Variants in CALN1 observed in about 807,000 individuals in gnomAD.
CALN1 encodes calcium-binding protein 8.
CALN1 carries 17 observed loss-of-function variants against 30.6 expected under a neutral mutation model. That is an observed-to-expected ratio of 0.56 (90% CI 0.38 to 0.83). The LOEUF is 0.83. Ranked by LOEUF, CALN1 falls within the 40% of genes least tolerant of loss-of-function variation. The probability of loss-of-function intolerance (pLI) is 0.00; values close to 1 mark genes in which losing one functional copy is unlikely to be tolerated. For missense variants in CALN1, 291 were observed against 354.9 expected, an observed-to-expected ratio of 0.82 and a Z score of 1.45; for synonymous variants, 156 against 131.4, an observed-to-expected ratio of 1.19 and a Z score of -1.28.
chr7:72,449,708 T>TA (rs1310300702), upstream of CALN1, among the ~76,000 whole-genome samples: 1 of 151,300 alleles, frequency 6.6e-6, no homozygotes, highest in Non-Finnish European at 1.5e-5. Context: ...CCGTCTCTAC[T>TA]AAAAAAACAC....
At chr7:71,924,304 G>A (rs1212617042) in intron 5 of CALN1, among the ~76,000 whole-genome samples, 1 of 150,036 alleles carries the variant, frequency 6.7e-6, no homozygotes, top group East Asian at 1.9e-4. Context: ...TTTTTGCAGT[G>A]ACTGGTGGAA....
chr7:72,335,011 A>T (rs1463392053), intron 2 of CALN1, among the ~76,000 whole-genome samples: 1 of 152,176 alleles, frequency 6.6e-6, no homozygotes, highest in Non-Finnish European at 1.5e-5. Flanking sequence ...GGAACTAGCA[A>T]AGTTATGCAG....
chr7:72,488,282 G>A, the CALN1 span, among the ~76,000 whole-genome samples: 2 of 151,764 alleles, frequency 1.3e-5, no homozygotes, highest in Non-Finnish European at 2.9e-5. Context: ...GAGGCAGGAG[G>A]ATTGCTTGAG....
In CALN1 at chr7:71,796,249, G is replaced by A. The variant is rs116776619; in HGVS notation, c.659-8347C>T. On this transcript the variant is annotated intron_variant, in intron 6 of 6. Transcript: ENST00000395275. Reference sequence around the variant, plus strand: ...TTTTGGGTACTATATGAGTCATGCCGCTATGAACATCCATGCACATGTTTA... The same window carrying A: ...TTTTGGGTACTATATGAGTCATGCCACTATGAACATCCATGCACATGTTTA... Among the ~76,000 whole-genome samples the A allele has an allele frequency of 6.0e-3, 917 of 151,930 alleles. 4 individuals carry two copies. Among genetic ancestry groups the A allele is most frequent in the African/African-American group, 0.021 (869 of 41,418 alleles).
In CALN1 at chr7:71,880,168, T is replaced by C. The variant is rs137894816; in HGVS notation, c.502-69676A>G. On this transcript the variant is annotated intron_variant, in intron 5 of 6. Coordinates refer to ENST00000395275, the MANE Select transcript of CALN1 (RefSeq NM_031468.4). ...CAAAAACAAAAATGGAGGTTAGAGA[T>C]TTTCACATTCTCAAACAATTGCTCA... is the stretch of plus-strand genomic sequence containing the variant. 2.2e-4 allele frequency among the ~76,000 whole-genome samples: 34 copies of C among 152,232 alleles called. No individual in the cohort carries two copies. The East Asian group carries it at 6.2e-3, about 28-fold the overall frequency.
At chr7:72,395,359 G>GCACACACA (rs71069064) in intron 2 of CALN1, among the ~76,000 whole-genome samples, 2 of 151,284 alleles carry the variant, frequency 1.3e-5, no homozygotes, top group Non-Finnish European at 3.0e-5. Flanking sequence ...GCACGCGCGC[G>GCACACACA]CACACACACA....
intron 5 of CALN1, among the ~76,000 whole-genome samples, chr7:71,819,411 C>G (rs78740745): frequency 0.16 from 24,447 of 151,716 alleles, 2,831 homozygotes; most frequent in East Asian, 0.59. Context: ...ACCATGTTGG[C>G]CAGGCTGGTC....
chr7:72,186,620 A>G (rs989288519), intron 3 of CALN1, among the ~76,000 whole-genome samples: 3 of 151,986 alleles, frequency 2.0e-5, no homozygotes, highest in East Asian at 3.9e-4. Context: ...CTTTATGTCC[A>G]TGAGTACCCA....
chr7:71,957,303 G>A (rs534773472), intron 5 of CALN1, among the ~76,000 whole-genome samples: 3 of 152,130 alleles, frequency 2.0e-5, no homozygotes, highest in South Asian at 2.1e-4. Context: ...TATTTTTCTT[G>A]ACTGTAAGAA....
rs532245334 is a variant in CALN1 at position 72,036,161 on chromosome 7, A to G, written c.389-12392T>C. 5.9e-5 allele frequency among the ~76,000 whole-genome samples: 9 copies of G among 152,312 alleles called. No individual in the cohort carries two copies. In the South Asian group the frequency reaches 6.2e-4, roughly 11 times the overall value. On this transcript the variant is annotated intron_variant, in intron 4 of 6. Transcript: ENST00000395275. Reference sequence around the variant, plus strand: ...ATTTTTTTCTTTTATCATTTTGAACATATCAGCCCACTGCCTTCTGGCATC... The same window carrying G: ...ATTTTTTTCTTTTATCATTTTGAACGTATCAGCCCACTGCCTTCTGGCATC...
intron 5 of CALN1, among the ~76,000 whole-genome samples, chr7:71,861,026 A>C (rs1457420761): frequency 1.3e-5 from 2 of 152,156 alleles, no homozygotes; most frequent in Admixed American, 6.6e-5. Context: ...AAAGAGGACC[A>C]TTTAGGTCAG....
intron 4 of CALN1, among the ~76,000 whole-genome samples, chr7:72,098,519 T>TA (rs1735314864): frequency 6.6e-6 from 1 of 151,896 alleles, no homozygotes; most frequent in Non-Finnish European, 1.5e-5. Context: ...ACCTGGGTAA[T>TA]AGAGTGAGAC....
chr7:72,118,690 G>A (rs1489504951), intron 3 of CALN1, among the ~76,000 whole-genome samples: 1 of 95,120 alleles, frequency 1.1e-5, no homozygotes, highest in African/African-American at 3.9e-5. Context: ...GAGTGGATGA[G>A]ATTTAAATAT....
At chr7:72,016,996 T>TAAAAAAAAAAAAAAAAAAAAAAAAAAAAA (rs1800418372) in intron 5 of CALN1, among the ~76,000 whole-genome samples, 1 of 26,564 alleles carries the variant, frequency 3.8e-5, no homozygotes, top group African/African-American at 3.5e-4. Flanking sequence ...TTACTAAAAA[T>TAAAAAAAAAAAAAAAAAAAAAAAAAAAAA]ACAAAAAAAA....
rs1166242883 is a variant in CALN1, at chr7:72,412,167, A to C, written c.-183T>G. 6.5e-6 allele frequency: 1 copy of C among 152,780 alleles called. No homozygotes were observed. The highest frequency in any genetic ancestry group is 2.4e-5 in the African/African-American group (1 of 41,412). The allele number at this position is 152,780 out of a possible 1,614,324, so 9.5% of individuals were successfully genotyped here. The stretch of plus-strand genomic sequence containing the variant: ...CAGCTCTTAAAGATGGCGCGTCCGG[A>C]GTCGTCTGCTCCTCCCGGTGGGCTT... On this transcript the variant is annotated 5_prime_UTR_variant, in exon 1 of 7. Coordinates refer to ENST00000395275, the MANE Select transcript of CALN1 (RefSeq NM_031468.4).
At chr7:71,897,992 AGAGAGAGAGAGGGAGGGAGGGGGGGGGAG>A (rs1793630479) in intron 5 of CALN1, among the ~76,000 whole-genome samples, 3 of 96,968 alleles carry the variant, frequency 3.1e-5, no homozygotes, top group African/African-American at 1.4e-4. Flanking sequence ...AAAAAAAAAA[AGAGAGAGAGAGGGAGGGAGGGGGGGGGAG>A]AGAGAGAGAG....
intron 2 of CALN1, among the ~76,000 whole-genome samples, chr7:72,301,592 A>G (rs1010383444): frequency 1.5e-5 from 2 of 135,332 alleles, no homozygotes; most frequent in Non-Finnish European, 3.1e-5. Context: ...TGGGCGACAG[A>G]GCAAAGACTT....
intron 3 of CALN1, among the ~76,000 whole-genome samples, chr7:72,124,296 A>G (rs1290298765): frequency 1.3e-5 from 2 of 152,204 alleles, no homozygotes; most frequent in Non-Finnish European, 2.9e-5. Context: ...GAACTTGGAA[A>G]AAATTAAGTT....
intron 2 of CALN1, among the ~76,000 whole-genome samples, chr7:72,335,453 G>A (rs1801952394): frequency 6.6e-6 from 1 of 152,226 alleles, no homozygotes; most frequent in African/African-American, 2.4e-5. Flanking sequence ...TTCTTTCTGA[G>A]AAGGTCATCC....
Sources: gnomAD v4.1 joint callset for allele counts (sites outside exome capture counted in the v4.1 genomes callset) on GRCh38, gnomAD v4.1.1 for gene constraint, MANE v1.5 for transcripts, NCBI Gene and HGNC (gene_info 2026-07-23, HGNC 2026-07-21) for gene names.